Variants in SEMA3A observed in about 807,000 individuals in gnomAD.
SEMA3A encodes the protein semaphorin-3A.
A neutral mutation model predicts 97.9 loss-of-function variants in SEMA3A; 29 were observed. The ratio of observed to expected loss-of-function variants is 0.30; its 90% CI spans 0.22 to 0.40. SEMA3A has a LOEUF of 0.40. Ranked by LOEUF, SEMA3A falls within the 10% of genes least tolerant of loss-of-function variation. The pLI, the probability that SEMA3A is intolerant of heterozygous loss-of-function variation, is 1.00. For synonymous variants in SEMA3A, 321 were observed against 323.7 expected (o/e 0.99, Z 0.09); for missense variants, 763 against 951.3 (o/e 0.80, Z 2.60).
intron 15 of SEMA3A, among the ~76,000 whole-genome samples, chr7:83,967,697 G>C (rs931419090): frequency 2.0e-5 from 3 of 152,176 alleles, no homozygotes; most frequent in Non-Finnish European, 4.4e-5. Context: ...GGAGGTTGCA[G>C]TGAGCCAAGA....
chr7:84,232,443 CCT>C (rs1402322814), intron 3 of SEMA3A, among the ~76,000 whole-genome samples: 6 of 147,992 alleles, frequency 4.1e-5, no homozygotes, highest in African/African-American at 1.5e-4. Context: ...TCTCTCTCTC[CCT>C]CTCTCTCTGT....
intron 4 of SEMA3A, among the ~76,000 whole-genome samples, chr7:84,103,690 T>C (rs777483209): frequency 3.3e-5 from 5 of 152,020 alleles, no homozygotes; most frequent in Non-Finnish European, 5.9e-5. Flanking sequence ...TAAACTTTGG[T>C]TTTAAAATGA....
intron 6 of SEMA3A, among the ~76,000 whole-genome samples, chr7:84,037,162 T>A (rs1041319370): frequency 6.6e-6 from 1 of 151,426 alleles, no homozygotes; most frequent in Non-Finnish European, 1.5e-5. Context: ...TTTCTTTTTT[T>A]CAATTTTGTT....
At chr7:84,397,216 G>T (rs867250343) in intron 1 of SEMA3A, among the ~76,000 whole-genome samples, 1 of 151,608 alleles carries the variant, frequency 6.6e-6, no homozygotes, top group South Asian at 2.1e-4. Flanking sequence ...GACTTTAATT[G>T]TCTGGTTCTG....
intron 2 of SEMA3A, among the ~76,000 whole-genome samples, chr7:84,134,502 G>A (rs935567936): frequency 6.6e-6 from 1 of 152,132 alleles, no homozygotes; most frequent in Non-Finnish European, 1.5e-5. Context: ...ATGATGTATT[G>A]CTACGATGGT....
rs1803219757 is a variant in SEMA3A at position 84,380,129 on chromosome 7, A to T, written c.-245-8229T>A. Among the ~76,000 whole-genome samples the T allele has an allele frequency of 3.9e-5, 6 of 152,306 alleles. No individual in the cohort carries two copies. The South Asian group carries it at 1.0e-3, about 26-fold the overall frequency. On this transcript the variant is annotated intron_variant, in intron 1 of 3. Transcript: ENST00000424555. The stretch of plus-strand genomic sequence containing the variant: ...CAAATAAATGAGACTTATTTTCTGC[A>T]ATATATTTTAATTATTTACATCATA...
intron 1 of SEMA3A, among the ~76,000 whole-genome samples, chr7:84,391,371 C>T (rs1463324154): frequency 6.6e-6 from 1 of 152,050 alleles, no homozygotes; most frequent in Non-Finnish European, 1.5e-5. Flanking sequence ...TGTGGAAATC[C>T]CTGAGCCTCC....
chr7:84,361,356 T>C (rs1802714370), intron 2 of SEMA3A, among the ~76,000 whole-genome samples: 1 of 152,012 alleles, frequency 6.6e-6, no homozygotes, highest in South Asian at 2.1e-4. Flanking sequence ...AGAAACCAGT[T>C]ATTATAATAT....
chr7:84,266,143 AC>A (rs1413392909), intron 3 of SEMA3A, among the ~76,000 whole-genome samples: 1 of 151,712 alleles, frequency 6.6e-6, no homozygotes, highest in Non-Finnish European at 1.5e-5. Context: ...ACATGGCAAA[AC>A]CCTGTCTCTA....
intron 3 of SEMA3A, among the ~76,000 whole-genome samples, chr7:84,213,531 C>CA (rs2116322910): frequency 6.6e-6 from 1 of 152,282 alleles, no homozygotes; most frequent in African/African-American, 2.4e-5. Flanking sequence ...AGTGATCCTC[C>CA]ATCCTTGGTT....
intron 3 of SEMA3A, among the ~76,000 whole-genome samples, chr7:84,223,718 G>A (rs1798930916): frequency 6.6e-6 from 1 of 151,630 alleles, no homozygotes; most frequent in African/African-American, 2.4e-5. Context: ...AACCAATATA[G>A]GGAATAAAGA....
chr7:84,134,047 C>T (rs535877518), intron 2 of SEMA3A, among the ~76,000 whole-genome samples: 12 of 151,924 alleles, frequency 7.9e-5, no homozygotes, highest in East Asian at 5.8e-4. Context: ...GGCGACAGAG[C>T]GAGACTCCAT....
chr7:84,282,789 G>A (rs57499577), intron 3 of SEMA3A, among the ~76,000 whole-genome samples: 4 of 152,008 alleles, frequency 2.6e-5, no homozygotes, highest in Non-Finnish European at 5.9e-5. Flanking sequence ...CAAGGTGGGC[G>A]GATGACTTGA....
rs113595044 is a variant in SEMA3A at position 84,318,788 on chromosome 7, C to T, written c.-168-11496G>A. 3.3e-5 allele frequency among the ~76,000 whole-genome samples: 5 copies of T among 152,236 alleles called. 1 individual carries two copies. The highest frequency in any genetic ancestry group is 1.2e-4 in the African/African-American group (5 of 41,554). ...GCAATCCCATCATACCCAGATTATA[C>T]ATTTAGGTATCATCTTGGGAATGCA... is the stretch of plus-strand genomic sequence containing the variant. On this transcript the variant is annotated intron_variant, in intron 2 of 3. Transcript: ENST00000424555.
chr7:84,213,920 C>T (rs761656813), intron 3 of SEMA3A, among the ~76,000 whole-genome samples: 1 of 152,162 alleles, frequency 6.6e-6, no homozygotes, highest in Non-Finnish European at 1.5e-5. Flanking sequence ...GCCCTCAACA[C>T]GACATCCAAG....
intron 4 of SEMA3A, among the ~76,000 whole-genome samples, chr7:84,063,758 A>C (rs918693535): frequency 2.7e-5 from 4 of 149,666 alleles, no homozygotes; most frequent in Non-Finnish European, 4.5e-5. Flanking sequence ...TCCAAGAAAT[A>C]TGGGACTATG....
chr7:84,243,841 T>A (rs1799420954), intron 3 of SEMA3A, among the ~76,000 whole-genome samples: 1 of 152,210 alleles, frequency 6.6e-6, no homozygotes, highest in Non-Finnish European at 1.5e-5. Flanking sequence ...TATTTCTGCC[T>A]TAATTTCTTT....
intron 3 of SEMA3A, among the ~76,000 whole-genome samples, chr7:84,278,419 T>C (rs1179740934): frequency 5.3e-5 from 8 of 152,178 alleles, no homozygotes; most frequent in African/African-American, 1.7e-4. Context: ...GTTATCCAAT[T>C]CCAAAGCTGC....
At position 84,237,760 on chromosome 7, in the gene SEMA3A, G is replaced by A. The variant is rs75295032; in HGVS notation, c.-82-43092C>T. Among the ~76,000 whole-genome samples, 552 of 152,142 alleles carry A rather than the reference G, an allele frequency of 3.6e-3. 1 individual carries two copies. Among genetic ancestry groups the A allele is most frequent in the African/African-American group, 0.012 (503 of 41,510 alleles). ...AATCACAGAACATACATCCTGCTCT[G>A]TAGTTTATGCCTTTAGTCACTATGG... On this transcript the variant is annotated intron_variant, in intron 3 of 3. Transcript: ENST00000424555.
Sources: gnomAD v4.1 joint callset for allele counts (sites outside exome capture counted in the v4.1 genomes callset) on GRCh38, gnomAD v4.1.1 for gene constraint, MANE v1.5 for transcripts, NCBI Gene and HGNC (gene_info 2026-07-23, HGNC 2026-07-21) for gene names.